KHDC1: variants seen among roughly 807,000 people sequenced by gnomAD.
The protein encoded by KHDC1 is KH homology domain-containing protein 1.
In KHDC1, 21 loss-of-function variants were observed where a neutral mutation model predicts 24.7. The ratio of observed to expected loss-of-function variants is 0.85; its 90% CI spans 0.60 to 1.23. KHDC1 has a LOEUF of 1.23. Among genes scored for constraint, KHDC1 ranks in the 50% most tolerant of loss-of-function variants. The pLI is 0.00. For missense variants in KHDC1, 274 were observed against 298.5 expected, an observed-to-expected ratio of 0.92 and a Z score of 0.61; for synonymous variants, 98 against 111.7, an observed-to-expected ratio of 0.88 and a Z score of 0.77.
chr6:73,292,314 C>A, intron 1 of KHDC1: 1 of 1,016,944 alleles, frequency 9.8e-7, no homozygotes, highest in South Asian at 1.3e-5. Flanking sequence ...GACTACCTGG[C>A]GGACAAGCAT....
In KHDC1 at chr6:73,241,557, C is replaced by A. The variant is rs186941657; in HGVS notation, c.686G>T (p.Gly229Val). The change falls in exon 5 of 5, where the codon GGT (glycine) becomes GTT (valine). Residue 229 changes from glycine (G) to valine (V), a missense_variant. By Grantham distance (109) the Gly-to-Val change is moderately radical. Coordinates refer to ENST00000370384, the Ensembl canonical transcript of KHDC1. ...CGGATACAGTGAACTCAAATGGAAA[C>A]CCGAACAACCAATCACTTGGTAAGG... 2.5e-6 allele frequency: 4 copies of A among 1,614,106 alleles called. No individual in the cohort carries two copies. In the South Asian group the frequency reaches 4.4e-5, roughly 18 times the overall value.
intron 1 of KHDC1, chr6:73,309,449 T>C: frequency 8.3e-7 from 1 of 1,201,076 alleles, no homozygotes; most frequent in Non-Finnish European, 1.1e-6. Context: ...GCCTTCAGAC[T>C]AAGGAGCTGG....
chr6:73,261,536 G>A (rs956356688), intron 2 of KHDC1, among the ~76,000 whole-genome samples: 2 of 151,916 alleles, frequency 1.3e-5, no homozygotes, highest in South Asian at 2.1e-4. Flanking sequence ...TTGGGAGGTC[G>A]AGGCGGGCGG....
chr6:73,280,514 C>CTTTTTTTTT, intron 2 of KHDC1, among the ~76,000 whole-genome samples: 1 of 117,464 alleles, frequency 8.5e-6, no homozygotes, highest in Non-Finnish European at 1.8e-5. Context: ...TCTTTAATTT[C>CTTTTTTTTT]TTTTTTTTTT....
At chr6:73,270,773 C>T (rs1428206940) in intron 2 of KHDC1, among the ~76,000 whole-genome samples, 1 of 151,930 alleles carries the variant, frequency 6.6e-6, no homozygotes, top group East Asian at 1.9e-4. Flanking sequence ...TCACTGCAAC[C>T]TCCACCTCCC....
chr6:73,268,782 A>G (rs1317588358), intron 2 of KHDC1: 2 of 152,510 alleles, frequency 1.3e-5, no homozygotes, highest in African/African-American at 4.8e-5. Context: ...CCACGTCCCC[A>G]CTAGACTCAG....
At chr6:73,243,895 A>G (rs1340583196) in intron 2 of KHDC1, among the ~76,000 whole-genome samples, 1 of 152,222 alleles carries the variant, frequency 6.6e-6, no homozygotes, top group East Asian at 1.9e-4. Context: ...ACCTCCAGAA[A>G]AGAAATAGTG....
At chr6:73,244,858 A>G (rs1311796700) in intron 2 of KHDC1, among the ~76,000 whole-genome samples, 2 of 152,150 alleles carry the variant, frequency 1.3e-5, no homozygotes, top group Admixed American at 6.6e-5. Context: ...GCTTGAGCAC[A>G]GGAGTCTAAG....
At chr6:73,265,016 G>A (rs1767054961) in intron 2 of KHDC1, among the ~76,000 whole-genome samples, 1 of 151,976 alleles carries the variant, frequency 6.6e-6, no homozygotes, top group Non-Finnish European at 1.5e-5. Flanking sequence ...TGCACTCTAG[G>A]ATAAAAGGAG....
Position 73,287,092 on chromosome 6 carries a change from G to A in KHDC1, c.206+4906C>T, listed in dbSNP as rs1018877685. Among the ~76,000 whole-genome samples, 18 of 152,130 alleles carry A rather than the reference G, an allele frequency of 1.2e-4. 1 individual carries two copies. The highest frequency in any genetic ancestry group is 4.1e-4 in the African/African-American group (17 of 41,500). The stretch of plus-strand genomic sequence containing the variant: ...AGTGAGTATGCTATAGACTATATAC[G>A]GCAAATAGTTGGAAAATCCACAAGA... On this transcript the variant is annotated intron_variant, in intron 2 of 4. Transcript: ENST00000370384.
intron 2 of KHDC1, among the ~76,000 whole-genome samples, chr6:73,247,144 A>G (rs1335748212): frequency 6.6e-6 from 1 of 151,744 alleles, no homozygotes; most frequent in Non-Finnish European, 1.5e-5. Flanking sequence ...TGCCCAGCTA[A>G]TTTTTGTATT....
chr6:73,250,642 A>G (rs1019057026), intron 2 of KHDC1, among the ~76,000 whole-genome samples: 10 of 152,222 alleles, frequency 6.6e-5, no homozygotes, highest in African/African-American at 1.9e-4. Context: ...TGTTCAAATC[A>G]TGCTACATGA....
intron 2 of KHDC1, among the ~76,000 whole-genome samples, chr6:73,244,501 C>T (rs986892922): frequency 3.3e-5 from 5 of 151,932 alleles, no homozygotes; most frequent in African/African-American, 1.2e-4. Flanking sequence ...ATTCAAATTC[C>T]AGAAGAAACC....
At chr6:73,273,009 C>T (rs1226526248) in intron 2 of KHDC1, among the ~76,000 whole-genome samples, 2 of 150,606 alleles carry the variant, frequency 1.3e-5, no homozygotes, top group African/African-American at 4.9e-5. Context: ...TAGGCACGTG[C>T]CACCACGCCT....
At chr6:73,307,831 C>G (rs560144314) in intron 1 of KHDC1, among the ~76,000 whole-genome samples, 2 of 152,128 alleles carry the variant, frequency 1.3e-5, no homozygotes, top group Admixed American at 6.6e-5. Flanking sequence ...TCTTAAAACA[C>G]GGGTCTCTGT....
chr6:73,262,223 C>G (rs1766994037), intron 2 of KHDC1, among the ~76,000 whole-genome samples: 1 of 152,106 alleles, frequency 6.6e-6, no homozygotes, highest in African/African-American at 2.4e-5. Flanking sequence ...AATAGTATAC[C>G]CATTTCATAG....
chr6:73,246,982 TTC>T (rs962162555), intron 2 of KHDC1, among the ~76,000 whole-genome samples: 4 of 152,088 alleles, frequency 2.6e-5, no homozygotes, highest in African/African-American at 9.7e-5. Context: ...ACTTTTTTTT[TTC>T]TGTTTTTTTT....
intron 1 of KHDC1, among the ~76,000 whole-genome samples, chr6:73,294,086 G>A (rs1003092992): frequency 4.0e-5 from 6 of 151,214 alleles, no homozygotes; most frequent in African/African-American, 1.5e-4. Flanking sequence ...GAAGTTCAAG[G>A]TTGCCTGGGC....
rs924035254 is a variant in KHDC1, at chr6:73,266,287, A to G, written c.207-23757T>C. On this transcript the variant is annotated intron_variant, in intron 2 of 4. Transcript: ENST00000370384. ...TTGGACTCTAATGTCACTCTTAATA[A>G]TGAAATAACCAACATTTGTTGAGCT... 1.3e-5 allele frequency among the ~76,000 whole-genome samples: 2 copies of G among 152,244 alleles called. 1 individual carries two copies. Among genetic ancestry groups the G allele is most frequent in the Non-Finnish European group, 2.9e-5 (2 of 68,042 alleles).
Sources: allele counts gnomAD v4.1 joint callset (sites outside exome capture counted in the v4.1 genomes callset), GRCh38; gene constraint gnomAD v4.1.1; transcripts MANE v1.5; gene names NCBI Gene and HGNC (gene_info 2026-07-23, HGNC 2026-07-21).